The following METTL16 variants were observed in gnomAD, a reference collection of about 807,000 sequenced individuals.
The protein encoded by METTL16 is methyltransferase 16, RNA N6-adenosine.
A neutral mutation model predicts 57.9 loss-of-function variants in METTL16; 19 were observed. The ratio of observed to expected loss-of-function variants is 0.33; its 90% confidence interval spans 0.23 to 0.48. The LOEUF is 0.48. Ranked by LOEUF, METTL16 falls within the 20% of genes least tolerant of loss-of-function variation. The pLI is 0.99. For synonymous variants in METTL16, 246 were observed against 255.6 expected, an observed-to-expected ratio of 0.96 and a Z score of 0.36; for missense variants, 434 against 691.5, an observed-to-expected ratio of 0.63 and a Z score of 4.18.
Position 2,471,774 on chromosome 17 carries a change from G to A in METTL16, c.469+1750C>T, listed in dbSNP as rs187806914. ...CTGCACTCCAGCCTGGCGACAGAGC[G>A]AGACTCCATCTCAAAAAATAAAAAA... is the stretch of plus-strand genomic sequence containing the variant. On this transcript the variant is annotated intron_variant, in intron 4 of 9. Coordinates refer to ENST00000263092, the MANE Select transcript of METTL16 (RefSeq NM_024086.4). 5.1e-3 allele frequency among the ~76,000 whole-genome samples: 782 copies of A among 152,028 alleles called. 5 individuals carry two copies. The highest frequency in any genetic ancestry group is 0.01 in the Middle Eastern group (3 of 294).
At chr17:2,442,944 C>T (rs1408911362) in intron 6 of METTL16, among the ~76,000 whole-genome samples, 1 of 151,906 alleles carries the variant, frequency 6.6e-6, no homozygotes, top group East Asian at 1.9e-4. Flanking sequence ...TCTCCCGCCT[C>T]AGCCTCGCAA....
chr17:2,444,315 TG>T (rs1244208027), intron 6 of METTL16, among the ~76,000 whole-genome samples: 1 of 152,064 alleles, frequency 6.6e-6, no homozygotes, highest in Non-Finnish European at 1.5e-5. Flanking sequence ...CCAGATGTGG[TG>T]GTGGGCATCT....
chr17:2,491,694 T>G (rs2151575411), intron 2 of METTL16, among the ~76,000 whole-genome samples: 1 of 149,924 alleles, frequency 6.7e-6, no homozygotes, highest in African/African-American at 2.5e-5. Flanking sequence ...GCTAACACGG[T>G]GAAACCCCGT....
chr17:2,496,695 C>A (rs1433863923), intron 2 of METTL16, among the ~76,000 whole-genome samples: 1 of 151,540 alleles, frequency 6.6e-6, no homozygotes, highest in Non-Finnish European at 1.5e-5. Flanking sequence ...CCCCAGAATT[C>A]CTTTGTTGGA....
chr17:2,454,805 C>T (rs927481982), intron 6 of METTL16, among the ~76,000 whole-genome samples: 1 of 152,050 alleles, frequency 6.6e-6, no homozygotes, highest in Non-Finnish European at 1.5e-5. Flanking sequence ...CTCTGGTGAT[C>T]TGCCCACCTT....
intron 2 of METTL16, among the ~76,000 whole-genome samples, chr17:2,482,771 G>A (rs1363637287): frequency 2.0e-5 from 3 of 152,244 alleles, no homozygotes; most frequent in South Asian, 2.1e-4. Context: ...GCTGGATGTG[G>A]AGTATGGTGG....
In METTL16 at chr17:2,488,318, A is replaced by C. The variant is rs189253597; in HGVS notation, c.129-10433T>G. Among the ~76,000 whole-genome samples, 539 of 152,326 alleles carry C rather than the reference A, an allele frequency of 3.5e-3. 6 individuals carry two copies. Among genetic ancestry groups the C allele is most frequent in the Non-Finnish European group, 6.0e-3 (409 of 68,028 alleles). Reference sequence around the variant, plus strand: ...ACGCCTGTAATCCCAACACTTTGGGAGGCTGAGGTGGGCAGATCACCTGAG... The same window carrying C: ...ACGCCTGTAATCCCAACACTTTGGGCGGCTGAGGTGGGCAGATCACCTGAG... On this transcript the variant is annotated intron_variant, in intron 2 of 9. Transcript: ENST00000263092.
chr17:2,465,432 AGCTACT>A (rs2067185396), intron 5 of METTL16, among the ~76,000 whole-genome samples: 1 of 151,390 alleles, frequency 6.6e-6, no homozygotes, highest in Admixed American at 6.6e-5. Flanking sequence ...CTGTAGTCCC[AGCTACT>A]CGGGGGGCTG....
intron 6 of METTL16, among the ~76,000 whole-genome samples, chr17:2,457,465 A>ACTACT (rs2067119773): frequency 6.6e-6 from 1 of 151,236 alleles, no homozygotes; most frequent in African/African-American, 2.4e-5. Context: ...CCAGCACTTT[A>ACTACT]GGAGGCCGAG....
intron 8 of METTL16, among the ~76,000 whole-genome samples, chr17:2,435,555 A>G (rs999835359): frequency 6.6e-6 from 1 of 152,218 alleles, no homozygotes; most frequent in African/African-American, 2.4e-5. Flanking sequence ...AGCAGTGCTA[A>G]GAAACTGTTG....
At chr17:2,426,704 G>A (rs1490000242) in intron 8 of METTL16, among the ~76,000 whole-genome samples, 1 of 125,370 alleles carries the variant, frequency 8.0e-6, no homozygotes, top group African/African-American at 2.8e-5. Context: ...ACTCCAACCT[G>A]GGTGACAGAG....
At chr17:2,502,073 T>TA (rs1246144835) in intron 2 of METTL16, 131 bp downstream of exon 2, 2 of 853,514 alleles carry the variant, frequency 2.3e-6, no homozygotes. Flanking sequence ...CAAGAGAGGT[T>TA]AAGTGATTTG....
intron 8 of METTL16, among the ~76,000 whole-genome samples, chr17:2,423,264 GTGTGT>G (rs1567879515): frequency 1.7e-3 from 92 of 54,502 alleles, no homozygotes; most frequent in Admixed American, 3.0e-3. Flanking sequence ...AACAAAGGGT[GTGTGT>G]GTGTGTGTGT....
chr17:2,439,876 A>G (rs1040929995), intron 7 of METTL16, among the ~76,000 whole-genome samples: 10 of 152,310 alleles, frequency 6.6e-5, no homozygotes, highest in African/African-American at 2.4e-4. Flanking sequence ...AGAAAATTCT[A>G]TACTCAAAAC....
At chr17:2,443,885 T>C (rs2066972810) in intron 6 of METTL16, among the ~76,000 whole-genome samples, 1 of 152,112 alleles carries the variant, frequency 6.6e-6, no homozygotes, top group Admixed American at 6.6e-5. Context: ...GAGGGTAGGC[T>C]GGGAAAAGGG....
intron 2 of METTL16, among the ~76,000 whole-genome samples, chr17:2,478,711 C>T (rs1392265603): frequency 6.6e-6 from 1 of 152,192 alleles, no homozygotes; most frequent in Non-Finnish European, 1.5e-5. Flanking sequence ...TTTGCCTTTT[C>T]TGGACACTTC....
At chr17:2,466,721 T>C (rs2067199653) in intron 5 of METTL16, among the ~76,000 whole-genome samples, 1 of 152,226 alleles carries the variant, frequency 6.6e-6, no homozygotes, top group Admixed American at 6.5e-5. Context: ...TAATACCTTA[T>C]ACAATGTGAA....
chr17:2,508,736 T>C (rs918082803), intron 1 of METTL16, among the ~76,000 whole-genome samples: 1 of 152,156 alleles, frequency 6.6e-6, no homozygotes, highest in African/African-American at 2.4e-5. Context: ...CCCATGCAAA[T>C]GTGAACATTT....
At chr17:2,432,487 C>T (rs1302472007) in intron 8 of METTL16, among the ~76,000 whole-genome samples, 1 of 151,904 alleles carries the variant, frequency 6.6e-6, no homozygotes, top group Non-Finnish European at 1.5e-5. Context: ...GAGGATCACA[C>T]GAGCCTGGGA....
Sources: gnomAD v4.1 joint callset for allele counts (sites outside exome capture counted in the v4.1 genomes callset) on GRCh38, gnomAD v4.1.1 for gene constraint, MANE v1.5 for transcripts, NCBI Gene and HGNC (gene_info 2026-07-23, HGNC 2026-07-21) for gene names.